Variants in PIK3CB observed in about 807,000 individuals in gnomAD.
PIK3CB encodes phosphatidylinositol 4,5-bisphosphate 3-kinase catalytic subunit beta isoform.
In PIK3CB, 39 loss-of-function variants were observed where a neutral mutation model predicts 136.8. The observed-to-expected ratio is 0.29, with a 90% CI of 0.22 to 0.37. The LOEUF (loss-of-function observed/expected upper bound fraction) is 0.37. Among genes scored for constraint, PIK3CB ranks in the 10% least tolerant of loss-of-function variants. PIK3CB has a pLI of 1.00. For synonymous variants in PIK3CB, 428 were observed against 436.6 expected, an observed-to-expected ratio of 0.98 and a Z score of 0.25; for missense variants, 868 against 1,275.4, an observed-to-expected ratio of 0.68 and a Z score of 4.87.
chr3:138,685,396 CAAAAAAA>C (rs398052626), intron 16 of PIK3CB, among the ~76,000 whole-genome samples: 8 of 58,354 alleles, frequency 1.4e-4, no homozygotes, highest in African/African-American at 3.0e-4. Flanking sequence ...GAAACTGTCT[CAAAAAAA>C]AAAAAAAAAA....
chr3:138,670,179 C>T lies in PIK3CB; in HGVS notation c.2505-4976G>A, dbSNP rs531257385. On this transcript the variant is annotated intron_variant, in intron 19 of 23. Transcript: ENST00000674063. ...TTCATTTGATGCTAAATGTGCTTTACATTTAGATAAATAAAATCAAAACTA... is the reference window on the plus strand; with the variant it reads ...TTCATTTGATGCTAAATGTGCTTTATATTTAGATAAATAAAATCAAAACTA... Among the ~76,000 whole-genome samples the T allele has an allele frequency of 1.2e-4, 18 of 152,260 alleles. No individual in the cohort carries two copies. In the East Asian group the frequency reaches 3.5e-3, roughly 29 times the overall value.
chr3:138,832,164 G>A (rs555285543), intron 1 of PIK3CB, among the ~76,000 whole-genome samples: 44 of 152,258 alleles, frequency 2.9e-4, no homozygotes, highest in African/African-American at 9.6e-4. Flanking sequence ...ATAGTTGGCT[G>A]ACATTCACAA....
chr3:138,830,257 TA>T (rs1054455181), intron 1 of PIK3CB, among the ~76,000 whole-genome samples: 5 of 151,880 alleles, frequency 3.3e-5, no homozygotes, highest in Non-Finnish European at 7.4e-5. Flanking sequence ...ATTCTATAAA[TA>T]AAAAAAGGGG....
At chr3:138,784,290 T>C (rs1254847744) in intron 2 of PIK3CB, among the ~76,000 whole-genome samples, 2 of 151,912 alleles carry the variant, frequency 1.3e-5, no homozygotes, top group Admixed American at 6.6e-5. Flanking sequence ...GGAAGCTGAG[T>C]GGAATCACTT....
At chr3:138,822,798 C>T (rs1292808986) in intron 1 of PIK3CB, among the ~76,000 whole-genome samples, 1 of 145,174 alleles carries the variant, frequency 6.9e-6, no homozygotes, top group Non-Finnish European at 1.5e-5. Context: ...GCCGAGATCA[C>T]GCCACTGCAA....
At chr3:138,822,754 T>A (rs1933612873) in intron 1 of PIK3CB, among the ~76,000 whole-genome samples, 1 of 150,574 alleles carries the variant, frequency 6.6e-6, no homozygotes, top group Non-Finnish European at 1.5e-5. Context: ...GGCAGGAGAA[T>A]CGGCTTGAAC....
chr3:138,833,553 A>G (rs1225276829), intron 1 of PIK3CB, among the ~76,000 whole-genome samples: 1 of 152,152 alleles, frequency 6.6e-6, no homozygotes. Flanking sequence ...CTCGTTGGAG[A>G]CAATTTTATT....
intron 1 of PIK3CB, among the ~76,000 whole-genome samples, chr3:138,799,468 T>C (rs1382585187): frequency 6.6e-6 from 1 of 151,892 alleles, no homozygotes; most frequent in African/African-American, 2.4e-5. Flanking sequence ...CTACAATTAA[T>C]CCGCACCAGA....
At chr3:138,739,083 TG>T (rs2108658826) in intron 5 of PIK3CB, among the ~76,000 whole-genome samples, 1 of 152,254 alleles carries the variant, frequency 6.6e-6, no homozygotes, top group South Asian at 2.1e-4. Flanking sequence ...TATTTGGAAG[TG>T]AAAACTTTGG....
chr3:138,752,604 G>A (rs1266947167), intron 4 of PIK3CB, among the ~76,000 whole-genome samples: 3 of 152,078 alleles, frequency 2.0e-5, no homozygotes, highest in Non-Finnish European at 1.5e-5. Context: ...AGCTACTTGG[G>A]AAGCCAAGGT....
intron 1 of PIK3CB, among the ~76,000 whole-genome samples, chr3:138,808,119 T>C (rs1208989758): frequency 6.6e-6 from 1 of 152,144 alleles, no homozygotes; most frequent in Non-Finnish European, 1.5e-5. Flanking sequence ...TGACATATGG[T>C]ATTTGAATTC....
intron 16 of PIK3CB, among the ~76,000 whole-genome samples, chr3:138,687,951 A>G (rs2043928330): frequency 6.6e-6 from 1 of 152,228 alleles, no homozygotes; most frequent in South Asian, 2.1e-4. Flanking sequence ...AGGGTTCTAT[A>G]AAATTCAGAG....
chr3:138,757,520 C>CAG (rs1553736579), intron 3 of PIK3CB, among the ~76,000 whole-genome samples: 2 of 125,252 alleles, frequency 1.6e-5, no homozygotes, highest in African/African-American at 5.8e-5. Flanking sequence ...CACACACACA[C>CAG]AGAAAATATG....
chr3:138,761,999 T>G (rs186684259), intron 2 of PIK3CB, among the ~76,000 whole-genome samples: 1 of 148,806 alleles, frequency 6.7e-6, no homozygotes, highest in East Asian at 2.0e-4. Context: ...GTAATCCCAG[T>G]ACTTTGGGAG....
chr3:138,735,835 G>GA (rs909691370), intron 6 of PIK3CB, among the ~76,000 whole-genome samples: 236 of 151,596 alleles, frequency 1.6e-3, no homozygotes, highest in African/African-American at 5.3e-3. Context: ...TTTTGTCAGA[G>GA]AAAAAAAACT....
intron 2 of PIK3CB, among the ~76,000 whole-genome samples, chr3:138,782,865 T>C (rs2108792960): frequency 6.6e-6 from 1 of 152,342 alleles, no homozygotes; most frequent in South Asian, 2.1e-4. Context: ...TGGACCATTA[T>C]TCATTTTTGG....
rs370771808 is a variant in PIK3CB at position 138,833,977 on chromosome 3, C to T, written c.-122+718G>A. ...TTTTGGCCACTGCGAGGTTAACAGG[C>T]TCCAATATTAAGCAACTCCAGTATC... On this transcript the variant is annotated intron_variant, in intron 1 of 23. Transcript: ENST00000674063. Among the ~76,000 whole-genome samples, 18 of 152,308 alleles carry T rather than the reference C, an allele frequency of 1.2e-4. No homozygotes were observed. The East Asian group carries it at 2.9e-3, about 24-fold the overall frequency.
intron 5 of PIK3CB, among the ~76,000 whole-genome samples, chr3:138,741,927 G>A (rs2045253834): frequency 6.6e-6 from 1 of 151,998 alleles, no homozygotes; most frequent in South Asian, 2.1e-4. Flanking sequence ...GCATCATCTA[G>A]TTTGTATAAT....
intron 1 of PIK3CB, among the ~76,000 whole-genome samples, chr3:138,801,787 C>T (rs1257751948): frequency 2.9e-5 from 4 of 139,606 alleles, no homozygotes; most frequent in Admixed American, 2.4e-4. Flanking sequence ...TGCTTGAACC[C>T]GGGAGGCAGA....
Sources: gnomAD v4.1 joint callset for allele counts (sites outside exome capture counted in the v4.1 genomes callset) on GRCh38, gnomAD v4.1.1 for gene constraint, MANE v1.5 for transcripts, NCBI Gene and HGNC (gene_info 2026-07-23, HGNC 2026-07-21) for gene names.